Variants in PREP observed in about 807,000 individuals in gnomAD.
PREP encodes prolyl endopeptidase.
A neutral mutation model predicts 87.6 loss-of-function variants in PREP; 29 were observed. The ratio of observed to expected loss-of-function variants is 0.33; its 90% CI spans 0.25 to 0.45. The LOEUF (loss-of-function observed/expected upper bound fraction) is 0.45. Ranked by LOEUF, PREP falls within the 20% of genes least tolerant of loss-of-function variation. PREP has a pLI of 1.00. For missense variants in PREP, 695 were observed against 886.5 expected (o/e 0.78, Z 2.74); for synonymous variants, 337 against 328.6 (o/e 1.03, Z -0.28).
rs547322287 is a variant in PREP at position 105,339,541 on chromosome 6, C to T, written c.824-6036G>A. ...AAAGCTGGATGGAGAATGACTTTGA[C>T]GAGTTGAGAGCAGAAGACTTCAGAT... On this transcript the variant is annotated intron_variant, in intron 7 of 14. Transcript: ENST00000652536. Among the ~76,000 whole-genome samples the T allele has an allele frequency of 3.1e-4, 47 of 152,226 alleles. 1 individual carries two copies. The highest frequency in any genetic ancestry group is 5.9e-4 in the Admixed American group (9 of 15,284).
chr6:105,340,200 G>A (rs1439887587), intron 7 of PREP, among the ~76,000 whole-genome samples: 1 of 152,126 alleles, frequency 6.6e-6, no homozygotes. Context: ...TCTCTCGGCA[G>A]AAACTCTACA....
At chr6:105,366,334 CAG>C (rs533053919) in intron 6 of PREP, among the ~76,000 whole-genome samples, 1 of 152,136 alleles carries the variant, frequency 6.6e-6, no homozygotes, top group Non-Finnish European at 1.5e-5. Context: ...ATCAGGGAAA[CAG>C]TGTACACAGT....
intron 14 of PREP, chr6:105,281,216 G>GACTT (rs1313680787): frequency 6.6e-6 from 1 of 152,384 alleles, no homozygotes; most frequent in Admixed American, 6.5e-5. Flanking sequence ...GCGGCTGTGG[G>GACTT]ACTTAGGTCC....
rs183821723 is a variant in PREP at position 105,385,075 on chromosome 6, T to C, written c.121-7556A>G. Among the ~76,000 whole-genome samples, 15 of 152,152 alleles carry C rather than the reference T, an allele frequency of 9.9e-5. No homozygotes were observed. The East Asian group carries it at 2.1e-3, about 22-fold the overall frequency. On this transcript the variant is annotated intron_variant, in intron 2 of 14. Coordinates refer to ENST00000652536, the MANE Select transcript of PREP (RefSeq NM_002726.5). ...TGAACGAGATGAGACTGGATGACCA[T>C]GAGCAGGCTGGAAAGAGGAGAGCTG... is the stretch of plus-strand genomic sequence containing the variant.
rs1018116100 is a variant in PREP, at chr6:105,333,304, G to A, written c.1015+10C>T. Reference sequence around the variant, plus strand: ...CAAGAGCACAATTTTCAAGTCACATGTGTTCTCACCTAAGACATCTTTCTC... The same window carrying A: ...CAAGAGCACAATTTTCAAGTCACATATGTTCTCACCTAAGACATCTTTCTC... On this transcript the variant is annotated intron_variant, in intron 8 of 14. Coordinates refer to ENST00000652536, the MANE Select transcript of PREP (RefSeq NM_002726.5). 6.2e-7 allele frequency: 1 copy of A among 1,609,938 alleles called. No individual in the cohort carries two copies. Among genetic ancestry groups the A allele is most frequent in the African/African-American group, 1.3e-5 (1 of 74,954 alleles).
chr6:105,319,000 A>C (rs768872402), intron 10 of PREP, among the ~76,000 whole-genome samples: 9 of 152,206 alleles, frequency 5.9e-5, no homozygotes, highest in Non-Finnish European at 1.0e-4. Flanking sequence ...AGCAAGCACA[A>C]ATCAGCTATC....
intron 10 of PREP, among the ~76,000 whole-genome samples, chr6:105,306,444 G>A (rs1363348201): frequency 1.3e-5 from 2 of 152,124 alleles, no homozygotes; most frequent in East Asian, 3.8e-4. Context: ...CTTCATTCAT[G>A]AGAAGCAGAG....
chr6:105,318,386 G>C (rs1051501145), intron 10 of PREP, among the ~76,000 whole-genome samples: 1 of 152,144 alleles, frequency 6.6e-6, no homozygotes, highest in Middle Eastern at 3.2e-3. Flanking sequence ...TCCTCTTTTA[G>C]ACATGGTAGA....
chr6:105,281,557 A>T, intron 14 of PREP, 189 bp downstream of exon 14: 1 of 639,960 alleles, frequency 1.6e-6, no homozygotes, highest in Non-Finnish European at 2.4e-6. Flanking sequence ...CATTTTTTGT[A>T]GTTTGTTGCT....
In PREP at chr6:105,333,634, G is replaced by T. The variant is rs1771399655; in HGVS notation, c.824-129C>A. On this transcript the variant is annotated intron_variant, in intron 7 of 14. Transcript: ENST00000652536. ...AAGCAGAGATATTTGGAAGATCTAG[G>T]GCATGAAAAGGAGCAAGAACCAGTT... is the stretch of plus-strand genomic sequence containing the variant. The T allele has an allele frequency of 2.3e-5, 22 of 949,654 alleles. No individual in the cohort carries two copies. In the South Asian group the frequency reaches 3.3e-4, roughly 14 times the overall value. The allele number at this position is 949,654 out of a possible 1,614,324, so 58.8% of individuals were successfully genotyped here.
chr6:105,336,231 G>C (rs1771473260), intron 7 of PREP, among the ~76,000 whole-genome samples: 1 of 152,248 alleles, frequency 6.6e-6, no homozygotes, highest in South Asian at 2.1e-4. Context: ...CTGCACGCCA[G>C]CCTGGGCGAC....
At chr6:105,322,979 C>G in intron 10 of PREP, 2 of 1,300,216 alleles carry the variant, frequency 1.5e-6, no homozygotes, top group Non-Finnish European at 2.0e-6. Flanking sequence ...GTCCAGCCCT[C>G]CAGGTGGGAG....
intron 8 of PREP, among the ~76,000 whole-genome samples, chr6:105,329,791 T>C (rs573245943): frequency 1.3e-5 from 2 of 152,308 alleles, no homozygotes; most frequent in East Asian, 1.9e-4. Context: ...CAAAATCATA[T>C]AAAAATGCAA....
At chr6:105,334,384 C>G (rs1031811437) in intron 7 of PREP, among the ~76,000 whole-genome samples, 2 of 152,076 alleles carry the variant, frequency 1.3e-5, no homozygotes, top group African/African-American at 4.8e-5. Flanking sequence ...CTTCACAGAG[C>G]TTCTCTCAAG....
chr6:105,361,302 C>T (rs1772241973), intron 6 of PREP, among the ~76,000 whole-genome samples: 1 of 152,018 alleles, frequency 6.6e-6, no homozygotes, highest in Non-Finnish European at 1.5e-5. Flanking sequence ...TATATATATA[C>T]AGGATATGTG....
intron 6 of PREP, among the ~76,000 whole-genome samples, chr6:105,362,263 C>T (rs909385871): frequency 6.6e-6 from 1 of 152,136 alleles, no homozygotes; most frequent in African/African-American, 2.4e-5. Flanking sequence ...GAGTTCAGGA[C>T]CAGCCTGGCC....
intron 10 of PREP, chr6:105,322,993 C>T (rs753987353): frequency 5.4e-5 from 70 of 1,302,150 alleles, no homozygotes; most frequent in Non-Finnish European, 6.8e-5. Context: ...GTGGGAGGGG[C>T]CTTGATAAAC....
intron 1 of PREP, 65 bp downstream of exon 1, chr6:105,402,782 C>G: frequency 7.0e-7 from 1 of 1,432,506 alleles, no homozygotes; most frequent in Non-Finnish European, 9.4e-7. Context: ...GCTGCGGGTG[C>G]CACGGGTCAG....
rs190676205 is a variant in PREP, at chr6:105,399,120, A to G, written c.46-1193T>C. ...AAGACTTCATCTCAGAAAAAAAAAA[A>G]GATTAACCCCATTAATGAAACCACA... On this transcript the variant is annotated intron_variant, in intron 1 of 14. Transcript: ENST00000652536. Among the ~76,000 whole-genome samples the G allele has an allele frequency of 3.5e-4, 54 of 152,138 alleles. No individual in the cohort carries two copies. The East Asian group carries it at 0.01, about 28-fold the overall frequency.
Sources: gnomAD v4.1 joint callset for allele counts (sites outside exome capture counted in the v4.1 genomes callset) on GRCh38, gnomAD v4.1.1 for gene constraint, MANE v1.5 for transcripts, NCBI Gene and HGNC (gene_info 2026-07-23, HGNC 2026-07-21) for gene names.